Variants in GNAQ observed in about 807,000 individuals in gnomAD.
The protein encoded by GNAQ is guanine nucleotide-binding protein G(q) subunit alpha.
In GNAQ, 8 loss-of-function variants were observed where a neutral mutation model predicts 43.9. That is an observed-to-expected ratio of 0.18 (90% confidence interval 0.11 to 0.33). The LOEUF (loss-of-function observed/expected upper bound fraction) is 0.33. GNAQ is among the 10% of genes least tolerant of loss of function. GNAQ has a pLI of 1.00. For missense variants in GNAQ, 158 were observed against 450.8 expected (o/e 0.35, Z 5.88); for synonymous variants, 155 against 170.7 (o/e 0.91, Z 0.71).
intron 5 of GNAQ, among the ~76,000 whole-genome samples, chr9:77,737,566 T>G (rs1396203797): frequency 6.6e-6 from 1 of 152,224 alleles, no homozygotes; most frequent in Non-Finnish European, 1.5e-5. Context: ...CTTCACACTT[T>G]AGTCAGAACA....
chr9:77,842,857 C>A (rs1827513659), intron 2 of GNAQ, among the ~76,000 whole-genome samples: 1 of 152,128 alleles, frequency 6.6e-6, no homozygotes, highest in African/African-American at 2.4e-5. Context: ...ATTCTAGATA[C>A]AATCTCAATG....
intron 3 of GNAQ, among the ~76,000 whole-genome samples, chr9:77,813,615 C>A (rs1245566764): frequency 6.6e-6 from 1 of 152,176 alleles, no homozygotes; most frequent in Non-Finnish European, 1.5e-5. Context: ...TAGTCCAATA[C>A]AGGTGTCCTA....
intron 4 of GNAQ, among the ~76,000 whole-genome samples, chr9:77,795,459 T>C (rs180973502): frequency 3.2e-4 from 49 of 152,244 alleles, no homozygotes; most frequent in African/African-American, 7.5e-4. Context: ...AGGAAAAAAA[T>C]AGTCTCAGAG....
intron 6 of GNAQ, 126 bp downstream of exon 6, chr9:77,728,388 T>C (rs1825432796): frequency 1.4e-6 from 1 of 711,456 alleles, no homozygotes; most frequent in South Asian, 1.6e-5. Flanking sequence ...ACTGTATCAG[T>C]TTCAACACGC....
At chr9:77,883,821 T>C (rs1055601948) in intron 2 of GNAQ, among the ~76,000 whole-genome samples, 3 of 152,152 alleles carry the variant, frequency 2.0e-5, no homozygotes, top group African/African-American at 7.2e-5. Context: ...TTACTCCAAA[T>C]CCAAACTGTC....
chr9:77,926,506 C>G (rs959190275), intron 1 of GNAQ, among the ~76,000 whole-genome samples: 5 of 152,144 alleles, frequency 3.3e-5, no homozygotes, highest in African/African-American at 9.7e-5. Context: ...GCACAAATAA[C>G]TCTGACCAAT....
At chr9:77,829,800 T>C (rs1827266527) in intron 2 of GNAQ, among the ~76,000 whole-genome samples, 1 of 152,176 alleles carries the variant, frequency 6.6e-6, no homozygotes, top group Non-Finnish European at 1.5e-5. Flanking sequence ...CCCCAGGTGA[T>C]CTGTGTGCAC....
chr9:78,016,355 C>T (rs1823837748), intron 1 of GNAQ, among the ~76,000 whole-genome samples: 2 of 152,136 alleles, frequency 1.3e-5, no homozygotes, highest in African/African-American at 4.8e-5. Context: ...CTAGGGCACT[C>T]CATCTTTCCA....
At chr9:77,800,677 A>G (rs578207717) in intron 3 of GNAQ, among the ~76,000 whole-genome samples, 6 of 152,290 alleles carry the variant, frequency 3.9e-5, no homozygotes, top group African/African-American at 1.2e-4. Context: ...TAACCTGCAC[A>G]TTGTGCACAT....
intron 2 of GNAQ, among the ~76,000 whole-genome samples, chr9:77,913,912 G>A (rs753965468): frequency 5.9e-5 from 9 of 151,564 alleles, no homozygotes; most frequent in Non-Finnish European, 1.3e-4. Flanking sequence ...TTTTATTATC[G>A]AAAAAGAAAA....
At chr9:77,975,045 G>C (rs980220422) in intron 1 of GNAQ, among the ~76,000 whole-genome samples, 4 of 152,138 alleles carry the variant, frequency 2.6e-5, no homozygotes, top group African/African-American at 9.7e-5. Context: ...GATGGCCCTT[G>C]GTGCTCCCTG....
At chr9:78,009,103 C>T (rs964668128) in intron 1 of GNAQ, among the ~76,000 whole-genome samples, 1 of 152,120 alleles carries the variant, frequency 6.6e-6, no homozygotes, top group East Asian at 1.9e-4. Flanking sequence ...TAAATAGGTA[C>T]CAAATGAAGT....
intron 6 of GNAQ, among the ~76,000 whole-genome samples, chr9:77,725,037 G>A (rs180925847): frequency 6.6e-6 from 1 of 151,778 alleles, no homozygotes; most frequent in African/African-American, 2.4e-5. Context: ...ATGAACTTCT[G>A]TATGATTTTG....
chr9:77,974,822 T>C (rs1286897674), intron 1 of GNAQ, among the ~76,000 whole-genome samples: 2 of 152,264 alleles, frequency 1.3e-5, no homozygotes, highest in Non-Finnish European at 2.9e-5. Context: ...GGATTGCTGC[T>C]GTTCACCTTG....
chr9:78,030,846 G>A (rs147710171), intron 1 of GNAQ, among the ~76,000 whole-genome samples: 3 of 152,172 alleles, frequency 2.0e-5, no homozygotes, highest in Non-Finnish European at 2.9e-5. Flanking sequence ...CCAAGGCACC[G>A]GGCAGGGCAG....
chr9:77,978,391 C>A (rs1366472423), intron 1 of GNAQ, among the ~76,000 whole-genome samples: 1 of 152,186 alleles, frequency 6.6e-6, no homozygotes, highest in African/African-American at 2.4e-5. Flanking sequence ...TACATCCCAC[C>A]ATGTAAAAGA....
At chr9:77,922,893 G>C (rs1829018272) in intron 1 of GNAQ, among the ~76,000 whole-genome samples, 1 of 152,100 alleles carries the variant, frequency 6.6e-6, no homozygotes, top group African/African-American at 2.4e-5. Context: ...GCAGTGGTGT[G>C]ATCATAGCTC....
At chr9:78,022,854 C>T (rs560219148) in intron 1 of GNAQ, among the ~76,000 whole-genome samples, 34 of 152,294 alleles carry the variant, frequency 2.2e-4, no homozygotes, top group African/African-American at 7.7e-4. Flanking sequence ...ACAAACCCAC[C>T]ACAAAAATGT....
intron 5 of GNAQ, among the ~76,000 whole-genome samples, chr9:77,737,729 T>C (rs994816100): frequency 1.3e-5 from 2 of 152,188 alleles, no homozygotes; most frequent in African/African-American, 4.8e-5. Flanking sequence ...GACAGACCTA[T>C]AGTAAGTGGC....
Sources: gnomAD v4.1 joint callset for allele counts (sites outside exome capture counted in the v4.1 genomes callset) on GRCh38, gnomAD v4.1.1 for gene constraint, MANE v1.5 for transcripts, NCBI Gene and HGNC (gene_info 2026-07-23, HGNC 2026-07-21) for gene names.